TASP1: variants seen among roughly 807,000 people sequenced by gnomAD.
The protein encoded by TASP1 is taspase 1.
In TASP1, 16 loss-of-function variants were observed where a neutral mutation model predicts 56.6. The ratio of observed to expected loss-of-function variants is 0.28; its 90% CI spans 0.19 to 0.43. The LOEUF (loss-of-function observed/expected upper bound fraction) is 0.43. Ranked by LOEUF, TASP1 falls within the 20% of genes least tolerant of loss-of-function variation. TASP1 has a pLI of 1.00. For synonymous variants in TASP1, 179 were observed against 184.2 expected, an observed-to-expected ratio of 0.97 and a Z score of 0.23; for missense variants, 393 against 511.6, an observed-to-expected ratio of 0.77 and a Z score of 2.24.
chr20:13,600,524 G>A (rs942987829), intron 4 of TASP1: 1 of 151,890 alleles, frequency 6.6e-6, no homozygotes, highest in African/African-American at 2.4e-5. Flanking sequence ...AATATACAAA[G>A]GAAATAAAAG....
intron 4 of TASP1, among the ~76,000 whole-genome samples, chr20:13,599,522 T>G (rs1005844501): frequency 6.6e-6 from 1 of 152,068 alleles, no homozygotes; most frequent in African/African-American, 2.4e-5. Flanking sequence ...CACCAGGGCC[T>G]GTCAGGCGGT....
At chr20:13,605,414 T>C (rs1477825059) in intron 4 of TASP1, among the ~76,000 whole-genome samples, 1 of 152,202 alleles carries the variant, frequency 6.6e-6, no homozygotes. Context: ...AACTTGCCCC[T>C]TATAAATAAT....
At chr20:13,594,283 GA>G (rs2047645221) in intron 4 of TASP1, among the ~76,000 whole-genome samples, 2 of 152,224 alleles carry the variant, frequency 1.3e-5, no homozygotes, top group Admixed American at 1.3e-4. Context: ...AACCAGAGCA[GA>G]AAAACTGAAT....
intron 7 of TASP1, among the ~76,000 whole-genome samples, chr20:13,564,684 C>A (rs2046453801): frequency 6.6e-6 from 1 of 151,768 alleles, no homozygotes; most frequent in East Asian, 1.9e-4. Flanking sequence ...AATTTCAAAA[C>A]TTACTGCAAA....
the TASP1 span, among the ~76,000 whole-genome samples, chr20:13,254,122 A>G: frequency 6.6e-6 from 1 of 151,168 alleles, no homozygotes; most frequent in Non-Finnish European, 1.5e-5. Flanking sequence ...AATCCCAGCT[A>G]CTTGGGAGAC....
the TASP1 span, among the ~76,000 whole-genome samples, chr20:13,260,529 T>G: frequency 6.6e-6 from 1 of 152,186 alleles, no homozygotes; most frequent in African/African-American, 2.4e-5. Context: ...TTTCATGCAT[T>G]TGTGAACCAC....
At chr20:13,247,516 GGGTGTGT>G in the TASP1 span, among the ~76,000 whole-genome samples, 8 of 135,976 alleles carry the variant, frequency 5.9e-5, no homozygotes, top group African/African-American at 2.4e-4. Context: ...GCAAAGTGAG[GGGTGTGT>G]GTGTGTGTGT....
At chr20:13,279,760 G>T in the TASP1 span, 1 of 1,613,986 alleles carries the variant, frequency 6.2e-7, no homozygotes, top group East Asian at 2.2e-5. Context: ...CCTGTCCTTG[G>T]CCAGGGCAAA....
chr20:13,527,896 A>G (rs2045047123), intron 10 of TASP1, among the ~76,000 whole-genome samples: 1 of 152,058 alleles, frequency 6.6e-6, no homozygotes, highest in South Asian at 2.1e-4. Context: ...ATAAAAATAT[A>G]ATTAACCATA....
chr20:13,382,301 G>A, the TASP1 span, among the ~76,000 whole-genome samples: 164 of 152,274 alleles, frequency 1.1e-3, 6 homozygotes, highest in South Asian at 0.021. Context: ...GGAGTCTGTG[G>A]AGCTTCTCGT....
chr20:13,128,898 C>T, the TASP1 span, among the ~76,000 whole-genome samples: 1 of 135,252 alleles, frequency 7.4e-6, no homozygotes, highest in Non-Finnish European at 1.6e-5. Flanking sequence ...TTTTTGGAGA[C>T]AGAGTTTCGC....
At chr20:13,164,859 G>T in the TASP1 span, 1 of 1,612,524 alleles carries the variant, frequency 6.2e-7, no homozygotes, top group Non-Finnish European at 8.5e-7. Flanking sequence ...CTTTGAACTC[G>T]AAGATTAAGT....
the TASP1 span, among the ~76,000 whole-genome samples, chr20:13,377,485 T>C: frequency 6.6e-6 from 1 of 152,250 alleles, no homozygotes; most frequent in Admixed American, 6.5e-5. Flanking sequence ...CAGTATTTTA[T>C]TGAGGATTTT....
At chr20:13,163,604 A>T in the TASP1 span, among the ~76,000 whole-genome samples, 4 of 152,128 alleles carry the variant, frequency 2.6e-5, no homozygotes, top group Admixed American at 1.3e-4. Flanking sequence ...TTAGAAAAAC[A>T]GGGAAGAACA....
the TASP1 span, among the ~76,000 whole-genome samples, chr20:13,312,287 G>A: frequency 6.6e-6 from 1 of 152,204 alleles, no homozygotes; most frequent in Admixed American, 6.5e-5. Flanking sequence ...GCCGGCATAT[G>A]TGAGTTCACA....
intron 4 of TASP1, among the ~76,000 whole-genome samples, chr20:13,598,744 G>C (rs868069319): frequency 1.8e-4 from 28 of 152,248 alleles, no homozygotes; most frequent in Middle Eastern, 3.4e-3. Context: ...AGAGTGAACA[G>C]GCAACCTACA....
chr20:13,105,902 TCCAAG>T, the TASP1 span, among the ~76,000 whole-genome samples: 1 of 152,214 alleles, frequency 6.6e-6, no homozygotes, highest in Admixed American at 6.5e-5. Context: ...AGACTGGTTC[TCCAAG>T]TCGCAAGGTT....
intron 7 of TASP1, among the ~76,000 whole-genome samples, chr20:13,564,388 A>G (rs959449750): frequency 6.6e-6 from 1 of 152,196 alleles, no homozygotes; most frequent in African/African-American, 2.4e-5. Context: ...CAAGGAGGCA[A>G]AATACTTGTA....
chr20:13,221,796 A>AGCT, the TASP1 span: 27 of 1,450,490 alleles, frequency 1.9e-5, no homozygotes, highest in Middle Eastern at 2.4e-4. Context: ...CTGGCGGCCG[A>AGCT]GCTGCTGCTG....
Sources: gnomAD v4.1 joint callset for allele counts (sites outside exome capture counted in the v4.1 genomes callset) on GRCh38, gnomAD v4.1.1 for gene constraint, MANE v1.5 for transcripts, NCBI Gene and HGNC (gene_info 2026-07-23, HGNC 2026-07-21) for gene names.